Variants in COPA observed in about 807,000 individuals in gnomAD.
COPA encodes coatomer subunit alpha.
In COPA, 10 loss-of-function variants were observed where a neutral mutation model predicts 158.7. That is an observed-to-expected ratio of 0.06 (90% confidence interval 0.04 to 0.11). COPA has a LOEUF of 0.11. Ranked by LOEUF, COPA falls within the 10% of genes least tolerant of loss-of-function variation. The pLI, the probability that COPA is intolerant of heterozygous loss-of-function variation, is 1.00. For missense variants in COPA, 1,065 were observed against 1,536.7 expected, an observed-to-expected ratio of 0.69 and a Z score of 5.13; for synonymous variants, 462 against 542.8, an observed-to-expected ratio of 0.85 and a Z score of 2.07.
At chr1:160,308,764 AG>A (rs1307838063) in intron 13 of COPA, among the ~76,000 whole-genome samples, 2 of 152,222 alleles carry the variant, frequency 1.3e-5, no homozygotes, top group Non-Finnish European at 2.9e-5. Flanking sequence ...AGGCATTATA[AG>A]ATTGGAACCA....
At chr1:160,301,801 G>T (rs1319721368) in intron 17 of COPA, among the ~76,000 whole-genome samples, 2 of 151,458 alleles carry the variant, frequency 1.3e-5, no homozygotes, top group East Asian at 3.9e-4. Context: ...TTAATAAATA[G>T]ATATAAATAA....
intron 1 of COPA, among the ~76,000 whole-genome samples, chr1:160,340,834 A>G (rs1648007249): frequency 6.6e-6 from 1 of 152,316 alleles, no homozygotes; most frequent in South Asian, 2.1e-4. Flanking sequence ...GACATCCTGC[A>G]GATCTCTAGT....
intron 12 of COPA, among the ~76,000 whole-genome samples, chr1:160,309,728 T>C (rs571146828): frequency 4.1e-5 from 6 of 148,068 alleles, no homozygotes; most frequent in African/African-American, 1.5e-4. Context: ...GGCACTAAAA[T>C]TAGAATGTCA....
At chr1:160,319,125 T>C (rs1338898665) in intron 8 of COPA, among the ~76,000 whole-genome samples, 2 of 152,112 alleles carry the variant, frequency 1.3e-5, no homozygotes, top group Non-Finnish European at 2.9e-5. Context: ...GACCTAACTA[T>C]ATGCTGCCCT....
chr1:160,296,813 T>C (rs1274014997), intron 21 of COPA, among the ~76,000 whole-genome samples: 1 of 152,204 alleles, frequency 6.6e-6, no homozygotes, highest in African/African-American at 2.4e-5. Context: ...TCAAATCTAG[T>C]TACCGCAATA....
At position 160,296,025 on chromosome 1, in the gene COPA, C is replaced by T. The variant is rs760681801; in HGVS notation, c.2352+36G>A. 5 of 1,600,660 alleles carry T rather than the reference C, an allele frequency of 3.1e-6. No homozygotes were observed. In the South Asian group the frequency reaches 5.5e-5, roughly 18 times the overall value. ...TTGTTCTAAGATCCTAGAGTTAATCCTGTAATAAGAGACAATTATGTAAAT... is the reference window on the plus strand; with the variant it reads ...TTGTTCTAAGATCCTAGAGTTAATCTTGTAATAAGAGACAATTATGTAAAT... On this transcript the variant is annotated intron_variant, in intron 22 of 32. Transcript: ENST00000241704.
At position 160,298,879 on chromosome 1, in the gene COPA, C is replaced by T. The variant is rs746774599; in HGVS notation, c.1943G>A (p.Arg648His). ...ALHFVKDEKT[R>H]FSLALECGNI... ...TCCACACTCCAGTGCCAGACTAAAG[C>T]GAGTTTTCTCATCCTTGACAAAATG... is the stretch of plus-strand genomic sequence containing the variant. Residue 648 changes from arginine to histidine, a missense_variant, in exon 19 of 33, where the codon CGC becomes CAC. By Grantham distance (29) the Arg-to-His change is conservative. Coordinates refer to ENST00000241704, the MANE Select transcript of COPA (RefSeq NM_004371.4). The T allele has an allele frequency of 1.7e-5, 28 of 1,614,138 alleles. No individual in the cohort carries two copies. The highest frequency in any genetic ancestry group is 5.0e-5 in the Admixed American group (3 of 60,014).
intron 7 of COPA, among the ~76,000 whole-genome samples, chr1:160,324,959 C>T (rs558996816): frequency 4.6e-5 from 7 of 152,116 alleles, no homozygotes; most frequent in Admixed American, 1.3e-4. Context: ...CATGATGCAG[C>T]GAAAAGCACC....
chr1:160,293,290 C>G, intron 26 of COPA, 56 bp from the exon 27 acceptor site: 1 of 1,611,384 alleles, frequency 6.2e-7, no homozygotes, highest in South Asian at 1.1e-5. Flanking sequence ...TCTCTATTCT[C>G]CTCTGTAACT....
At chr1:160,295,646 G>A in intron 23 of COPA, 90 bp downstream of exon 23, 1 of 1,299,112 alleles carries the variant, frequency 7.7e-7, no homozygotes, top group Non-Finnish European at 1.0e-6. Flanking sequence ...AGAAAAAAAG[G>A]ACAAGTTAAA....
At chr1:160,338,434 G>A (rs1417206596) in intron 3 of COPA, among the ~76,000 whole-genome samples, 2 of 152,154 alleles carry the variant, frequency 1.3e-5, no homozygotes, top group African/African-American at 4.8e-5. Flanking sequence ...ACTTCTTGAA[G>A]TTGCTTATGA....
Position 160,294,592 on chromosome 1 carries a change from A to C in COPA, c.2568T>G (p.Asp856Glu). 6.2e-7 allele frequency: 1 copy of C among 1,614,086 alleles called. No homozygotes were observed. Among genetic ancestry groups the C allele is most frequent in the Non-Finnish European group, 8.5e-7 (1 of 1,179,970 alleles). Reference sequence around the variant, plus strand: ...AACCTTCTGTAGCCTCCACAAACCCATCTGTAAGGAAAATTCAAGCTCAAA... The same window carrying C: ...AACCTTCTGTAGCCTCCACAAACCCCTCTGTAAGGAAAATTCAAGCTCAAA... ...GEDAELQLDE[D>E]GFVEATEGLG... Residue 856 changes from aspartate (D) to glutamate (E), a missense_variant and splice_region_variant, in exon 25 of 33, where the codon GAT becomes GAG. By Grantham distance (45) the Asp-to-Glu change is conservative (BLOSUM62 2). This residue lies in a region of COPA where 980 missense variants were observed against 1,357.8 expected (regional missense o/e 0.72). Coordinates refer to ENST00000241704, the MANE Select transcript of COPA (RefSeq NM_004371.4).
intron 14 of COPA, 138 bp downstream of exon 14, chr1:160,307,023 TAG>T: frequency 2.5e-6 from 2 of 810,342 alleles, no homozygotes; most frequent in East Asian, 2.5e-5. Context: ...AGTGTAGGGC[TAG>T]AGACAGAGGT....
chr1:160,313,419 AT>A (rs10719015), intron 9 of COPA, among the ~76,000 whole-genome samples: 132,862 of 140,630 alleles, frequency 0.94, 62,714 homozygotes, highest in East Asian at 0.99. Context: ...TTCATTCTGC[AT>A]TTTTTTTTTT....
intron 15 of COPA, 127 bp downstream of exon 15, chr1:160,306,227 A>G: frequency 9.8e-7 from 1 of 1,021,796 alleles, no homozygotes; most frequent in Non-Finnish European, 1.4e-6. Context: ...GTTACTATAA[A>G]GAGTCTTGGA....
intron 8 of COPA, among the ~76,000 whole-genome samples, chr1:160,318,348 A>G (rs1405603587): frequency 6.6e-6 from 1 of 151,788 alleles, no homozygotes; most frequent in Non-Finnish European, 1.5e-5. Flanking sequence ...AAAGCTATAC[A>G]TGCAGAAATG....
chr1:160,300,563 A>G (rs952235803), intron 17 of COPA, among the ~76,000 whole-genome samples: 2 of 152,104 alleles, frequency 1.3e-5, no homozygotes, highest in African/African-American at 4.8e-5. Flanking sequence ...ACCAATATTC[A>G]AGGAAGAATT....
At chr1:160,340,406 G>T in intron 1 of COPA, 112 bp from the exon 2 acceptor site, 1 of 670,158 alleles carries the variant, frequency 1.5e-6, no homozygotes, top group East Asian at 2.7e-5. Flanking sequence ...TCATTCATTC[G>T]ACATGCTTGA....
chr1:160,339,794 T>C (rs1647950531), intron 3 of COPA, 115 bp downstream of exon 3: 1 of 864,028 alleles, frequency 1.2e-6, no homozygotes, highest in Non-Finnish European at 1.8e-6. Context: ...GATAATGTTG[T>C]CAAAGGCCTG....
Sources: gnomAD v4.1 joint callset for allele counts (sites outside exome capture counted in the v4.1 genomes callset) on GRCh38, gnomAD v4.1.1 for gene constraint, gnomAD v4.1.1 regional missense constraint, MANE v1.5 for transcripts, NCBI Gene and HGNC (gene_info 2026-07-23, HGNC 2026-07-21) for gene names.